NAALADL2: variants seen among roughly 807,000 people sequenced by gnomAD.
The protein encoded by NAALADL2 is inactive N-acetylated-alpha-linked acidic dipeptidase-like protein 2.
Under a neutral mutation model 87.2 loss-of-function variants are expected in NAALADL2, and 76 were observed. The ratio of observed to expected loss-of-function variants is 0.87; its 90% confidence interval spans 0.72 to 1.05. The LOEUF (loss-of-function observed/expected upper bound fraction) is 1.05, where lower values mean the gene tolerates loss of function less well. Ranked by LOEUF, NAALADL2 falls within the 50% of genes least tolerant of loss-of-function variation. The pLI is 0.00. For synonymous variants in NAALADL2, 354 were observed against 331.0 expected, an observed-to-expected ratio of 1.07 and a Z score of -0.75; for missense variants, 1,089 against 945.8, an observed-to-expected ratio of 1.15 and a Z score of -1.99.
At position 175,234,224 on chromosome 3, in the gene NAALADL2, C is replaced by G. The variant is rs1745453216; in HGVS notation, c.819+20C>G. ...CTCAAGGTAATATGACCATTTGTCT[C>G]TGTCATTTACAGTGAGATGGAATTA... On this transcript the variant is annotated intron_variant, in intron 3 of 13. Transcript: ENST00000454872. 2 of 1,603,440 alleles carry G rather than the reference C, an allele frequency of 1.2e-6. No homozygotes were observed. The highest frequency in any genetic ancestry group is 2.2e-5 in the East Asian group (1 of 44,740).
At chr3:175,709,048 T>C (rs1034940944) in intron 11 of NAALADL2, among the ~76,000 whole-genome samples, 25 of 151,988 alleles carry the variant, frequency 1.6e-4, no homozygotes, top group Admixed American at 1.6e-3. Flanking sequence ...GTTGGGTTCT[T>C]GGGGTGACTC....
chr3:174,622,703 C>G (rs556526040), intron 2 of NAALADL2, among the ~76,000 whole-genome samples: 1 of 152,118 alleles, frequency 6.6e-6, no homozygotes, highest in Admixed American at 6.6e-5. Flanking sequence ...ATTTACAGTA[C>G]TGTACTGATT....
At chr3:174,792,880 G>C (rs1717630232) in intron 3 of NAALADL2, among the ~76,000 whole-genome samples, 1 of 152,120 alleles carries the variant, frequency 6.6e-6, no homozygotes, top group Admixed American at 6.6e-5. Context: ...AGTCCCCTCT[G>C]TCTAGAATGT....
chr3:175,567,718 C>CTTTT (rs536353071), intron 9 of NAALADL2, among the ~76,000 whole-genome samples: 1 of 138,188 alleles, frequency 7.2e-6, no homozygotes, highest in South Asian at 2.3e-4. Context: ...TTTTTCTTTT[C>CTTTT]TTTTTTTTTT....
chr3:175,306,902 C>A (rs1370048885), intron 4 of NAALADL2, among the ~76,000 whole-genome samples: 1 of 152,118 alleles, frequency 6.6e-6, no homozygotes, highest in Non-Finnish European at 1.5e-5. Context: ...ATCCATGGAA[C>A]ATTCTTACTG....
chr3:174,740,671 A>G (rs1273980745), intron 3 of NAALADL2, among the ~76,000 whole-genome samples: 1 of 151,918 alleles, frequency 6.6e-6, no homozygotes, highest in Non-Finnish European at 1.5e-5. Context: ...AAACCAGAAT[A>G]ATAACGGTAA....
chr3:174,723,914 T>C (rs1205493349), intron 2 of NAALADL2, among the ~76,000 whole-genome samples: 1 of 152,128 alleles, frequency 6.6e-6, no homozygotes, highest in Non-Finnish European at 1.5e-5. Context: ...TATTAGTACG[T>C]ATGGTCATTG....
chr3:174,778,458 T>TAAC (rs753769567), intron 3 of NAALADL2, among the ~76,000 whole-genome samples: 43,216 of 151,700 alleles, frequency 0.28, 6,228 homozygotes, highest in Middle Eastern at 0.34. Flanking sequence ...CTGCACCAGG[T>TAAC]TTGGGTTAGG....
chr3:175,303,783 GA>G (rs543760472), intron 4 of NAALADL2, among the ~76,000 whole-genome samples: 1 of 151,994 alleles, frequency 6.6e-6, no homozygotes, highest in Non-Finnish European at 1.5e-5. Flanking sequence ...CAGTTTCTGT[GA>G]AAAAAATTTA....
intron 3 of NAALADL2, among the ~76,000 whole-genome samples, chr3:174,753,003 T>C (rs1734986188): frequency 6.6e-6 from 1 of 152,232 alleles, no homozygotes; most frequent in South Asian, 2.1e-4. Context: ...TTGTGATAGA[T>C]GTATGATTAA....
intron 1 of NAALADL2, among the ~76,000 whole-genome samples, chr3:174,875,887 A>G (rs1215194466): frequency 6.6e-6 from 1 of 152,140 alleles, no homozygotes; most frequent in Non-Finnish European, 1.5e-5. Context: ...GCTTAGGAGA[A>G]ATGAAAAATA....
At chr3:175,538,287 T>C (rs1181464111) in intron 9 of NAALADL2, among the ~76,000 whole-genome samples, 1 of 152,068 alleles carries the variant, frequency 6.6e-6, no homozygotes, top group African/African-American at 2.4e-5. Flanking sequence ...TTAATGTTAA[T>C]ATAATATTAC....
At chr3:175,342,967 A>G (rs1282655046) in intron 5 of NAALADL2, among the ~76,000 whole-genome samples, 1 of 152,108 alleles carries the variant, frequency 6.6e-6, no homozygotes, top group East Asian at 1.9e-4. Flanking sequence ...TATTTCTTTT[A>G]GATACCCCAG....
At chr3:175,641,034 TA>T (rs1010987312) in intron 11 of NAALADL2, among the ~76,000 whole-genome samples, 80 of 152,338 alleles carry the variant, frequency 5.3e-4, no homozygotes, top group African/African-American at 1.9e-3. Context: ...GGGATGCATT[TA>T]TCCGTTGGCT....
intron 11 of NAALADL2, among the ~76,000 whole-genome samples, chr3:175,686,377 C>T (rs1240526352): frequency 6.6e-6 from 1 of 152,188 alleles, no homozygotes; most frequent in African/African-American, 2.4e-5. Flanking sequence ...TATTTGCAGA[C>T]TTCAGAAGTG....
intron 9 of NAALADL2, among the ~76,000 whole-genome samples, chr3:175,509,090 T>G (rs1408252923): frequency 6.7e-6 from 1 of 149,868 alleles, no homozygotes; most frequent in African/African-American, 2.5e-5. Flanking sequence ...CATTCCAGCC[T>G]GGGTGACAAG....
At chr3:175,710,172 AGG>A (rs1740333509) in intron 11 of NAALADL2, among the ~76,000 whole-genome samples, 1 of 151,078 alleles carries the variant, frequency 6.6e-6, no homozygotes, top group Admixed American at 6.6e-5. Context: ...GAAGGAATCT[AGG>A]AAAGAAACAG....
chr3:174,901,926 GT>G, intron 1 of NAALADL2, among the ~76,000 whole-genome samples: 1 of 152,328 alleles, frequency 6.6e-6, no homozygotes, highest in East Asian at 1.9e-4. Context: ...GACTGTAAAT[GT>G]TCTCTCAAAT....
At chr3:175,635,901 T>A (rs2862306) in intron 11 of NAALADL2, among the ~76,000 whole-genome samples, 39,421 of 151,890 alleles carry the variant, frequency 0.26, 5,782 homozygotes, top group African/African-American at 0.41. Flanking sequence ...ACAAACTTTC[T>A]GTATAATAAA....
Sources: allele counts gnomAD v4.1 joint callset (sites outside exome capture counted in the v4.1 genomes callset), GRCh38; gene constraint gnomAD v4.1.1; transcripts MANE v1.5; gene names NCBI Gene and HGNC (gene_info 2026-07-23, HGNC 2026-07-21).